GPC6: variants seen among roughly 807,000 people sequenced by gnomAD.
GPC6 encodes the protein glypican 6.
In GPC6, 14 loss-of-function variants were observed where a neutral mutation model predicts 55.2. That is an observed-to-expected ratio of 0.25 (90% CI 0.17 to 0.40). GPC6 has a LOEUF of 0.40. GPC6 is among the 10% of genes least tolerant of loss of function. The pLI, the probability that GPC6 is intolerant of heterozygous loss-of-function variation, is 1.00. For missense variants in GPC6, 641 were observed against 708.5 expected, an observed-to-expected ratio of 0.90 and a Z score of 1.08; for synonymous variants, 278 against 259.6, an observed-to-expected ratio of 1.07 and a Z score of -0.68.
chr13:94,082,315 C>A (rs1174070250), intron 4 of GPC6, among the ~76,000 whole-genome samples: 1 of 152,092 alleles, frequency 6.6e-6, no homozygotes, highest in Non-Finnish European at 1.5e-5. Flanking sequence ...TTCCTTCCAC[C>A]ACCTCTTCAT....
intron 1 of GPC6, among the ~76,000 whole-genome samples, chr13:93,437,506 T>TA (rs1238296584): frequency 6.6e-6 from 1 of 152,196 alleles, no homozygotes; most frequent in Non-Finnish European, 1.5e-5. Flanking sequence ...TGCTGATATG[T>TA]AGAAGGTTTC....
chr13:93,445,441 G>C (rs544276795), intron 1 of GPC6, among the ~76,000 whole-genome samples: 75 of 152,198 alleles, frequency 4.9e-4, no homozygotes, highest in African/African-American at 1.6e-3. Context: ...AGGTAATATT[G>C]GGAACATCTA....
intron 6 of GPC6, among the ~76,000 whole-genome samples, chr13:94,358,768 T>C (rs1351054514): frequency 6.6e-6 from 1 of 152,216 alleles, no homozygotes; most frequent in Non-Finnish European, 1.5e-5. Flanking sequence ...GGAAAAGCTC[T>C]TTTCCTTGTA....
chr13:93,242,945 T>G (rs1876483114), intron 1 of GPC6, among the ~76,000 whole-genome samples: 1 of 152,112 alleles, frequency 6.6e-6, no homozygotes, highest in African/African-American at 2.4e-5. Flanking sequence ...GGGTTGGAAG[T>G]CCCTGAGCAG....
chr13:93,437,627 G>A (rs1877622271), intron 1 of GPC6, among the ~76,000 whole-genome samples: 1 of 152,146 alleles, frequency 6.6e-6, no homozygotes, highest in South Asian at 2.1e-4. Context: ...AAATGTAAGG[G>A]AGATGCACAA....
intron 1 of GPC6, among the ~76,000 whole-genome samples, chr13:93,474,221 C>T (rs1228143055): frequency 6.6e-6 from 1 of 152,196 alleles, no homozygotes; most frequent in Non-Finnish European, 1.5e-5. Flanking sequence ...CAAGTCTTCA[C>T]AGTGTTACTT....
At chr13:94,371,472 G>C (rs892943102) in intron 6 of GPC6, among the ~76,000 whole-genome samples, 1 of 152,106 alleles carries the variant, frequency 6.6e-6, no homozygotes, top group Non-Finnish European at 1.5e-5. Context: ...CCATTTACTA[G>C]ATGTGTGGCA....
chr13:94,238,864 C>T (rs769267553), intron 4 of GPC6, among the ~76,000 whole-genome samples: 12 of 151,814 alleles, frequency 7.9e-5, no homozygotes, highest in South Asian at 2.1e-4. Context: ...AAACTGGGGA[C>T]GACAGATAAA....
At chr13:93,894,344 G>A (rs1164915534) in intron 3 of GPC6, among the ~76,000 whole-genome samples, 1 of 152,114 alleles carries the variant, frequency 6.6e-6, no homozygotes, top group Admixed American at 6.6e-5. Flanking sequence ...TGGGATTAAG[G>A]TGTATATGGC....
chr13:94,245,599 G>T (rs1000835502), intron 4 of GPC6, among the ~76,000 whole-genome samples: 8 of 151,880 alleles, frequency 5.3e-5, no homozygotes, highest in African/African-American at 1.9e-4. Flanking sequence ...TAAAAAGTGA[G>T]ATCATGCAAT....
chr13:93,872,626 C>T (rs542005760), intron 3 of GPC6, among the ~76,000 whole-genome samples: 4 of 152,022 alleles, frequency 2.6e-5, no homozygotes, highest in African/African-American at 9.6e-5. Flanking sequence ...CCCATCTTTG[C>T]CTCCAGCTTC....
intron 4 of GPC6, among the ~76,000 whole-genome samples, chr13:94,170,475 T>G (rs764887558): frequency 6.6e-6 from 1 of 152,200 alleles, no homozygotes; most frequent in Non-Finnish European, 1.5e-5. Context: ...CAGTAGCCGC[T>G]GTGTGCTGGC....
intron 2 of GPC6, among the ~76,000 whole-genome samples, chr13:93,686,896 C>G (rs896274370): frequency 6.6e-6 from 1 of 151,884 alleles, no homozygotes; most frequent in Non-Finnish European, 1.5e-5. Context: ...TCTTTATATT[C>G]TCTAATATAT....
intron 2 of GPC6, among the ~76,000 whole-genome samples, chr13:93,786,837 C>A (rs1417549202): frequency 6.6e-6 from 1 of 152,116 alleles, no homozygotes; most frequent in Non-Finnish European, 1.5e-5. Flanking sequence ...GTAAGTGGCA[C>A]AAAACTAGTC....
chr13:93,879,197 G>A (rs1033823796), intron 3 of GPC6, among the ~76,000 whole-genome samples: 1 of 152,018 alleles, frequency 6.6e-6, no homozygotes. Context: ...GCTCCTTTAA[G>A]CACTTCTCTG....
At chr13:94,010,187 T>A (rs1449850754) in intron 3 of GPC6, among the ~76,000 whole-genome samples, 2 of 152,102 alleles carry the variant, frequency 1.3e-5, no homozygotes, top group Non-Finnish European at 2.9e-5. Flanking sequence ...GGGGAAAAAA[T>A]GTTGAAAAAG....
chr13:93,709,219 A>C (rs1272100881), intron 2 of GPC6, among the ~76,000 whole-genome samples: 1 of 151,832 alleles, frequency 6.6e-6, no homozygotes, highest in African/African-American at 2.4e-5. Context: ...CTTCCAACCT[A>C]AAGTTTCATG....
chr13:94,121,624 G>A (rs12876985), intron 4 of GPC6, among the ~76,000 whole-genome samples: 48,202 of 152,004 alleles, frequency 0.32, 8,586 homozygotes, highest in Non-Finnish European at 0.4. Flanking sequence ...TCTGTTAAGC[G>A]TTATCAATTT....
chr13:94,195,159 C>T (rs948822506), intron 4 of GPC6, among the ~76,000 whole-genome samples: 1 of 152,192 alleles, frequency 6.6e-6, no homozygotes, highest in Non-Finnish European at 1.5e-5. Context: ...TGTCCAGTTA[C>T]AAGCACCTGA....
Sources: allele counts gnomAD v4.1 joint callset (sites outside exome capture counted in the v4.1 genomes callset), GRCh38; gene constraint gnomAD v4.1.1; transcripts MANE v1.5; gene names NCBI Gene and HGNC (gene_info 2026-07-23, HGNC 2026-07-21).